TTC4: variants seen among roughly 807,000 people sequenced by gnomAD.
The protein encoded by TTC4 is hsp70/Hsp90 co-chaperone CNS1 homolog.
In TTC4, 36 loss-of-function variants were observed where a neutral mutation model predicts 51.9. The ratio of observed to expected loss-of-function variants is 0.69; its 90% CI spans 0.53 to 0.92. TTC4 has a LOEUF of 0.92. TTC4 is among the 40% of genes least tolerant of loss of function. The probability of loss-of-function intolerance (pLI) is 0.00; values close to 1 mark genes in which losing one functional copy is unlikely to be tolerated. For missense variants in TTC4, 399 were observed against 454.6 expected (o/e 0.88, Z 1.11); for synonymous variants, 144 against 164.2 (o/e 0.88, Z 0.94).
intron 5 of TTC4, among the ~76,000 whole-genome samples, chr1:54,725,967 T>TG (rs1645794265): frequency 6.6e-6 from 1 of 152,118 alleles, no homozygotes. Context: ...AAGAGAGACT[T>TG]GTATGATGCC....
intron 8 of TTC4, among the ~76,000 whole-genome samples, chr1:54,734,118 C>T (rs1271648609): frequency 1.3e-5 from 2 of 152,166 alleles, no homozygotes; most frequent in East Asian, 1.9e-4. Context: ...TTCACCCAGG[C>T]TGGAGTGCAG....
At chr1:54,722,968 A>G (rs1645760703) in intron 5 of TTC4, among the ~76,000 whole-genome samples, 169 bp downstream of exon 5, 1 of 152,230 alleles carries the variant, frequency 6.6e-6, no homozygotes, top group African/African-American at 2.4e-5. Context: ...ATAGTGTGAT[A>G]TAGAGGTAAG....
At chr1:54,733,766 T>A in intron 8 of TTC4, 56 bp downstream of exon 8, 2 of 734,436 alleles carry the variant, frequency 2.7e-6, no homozygotes, top group African/African-American at 2.0e-5. Context: ...TTTTTTTTTT[T>A]TTTTTTTGCG....
In TTC4 at chr1:54,730,807, T is replaced by A. The variant is rs77153065; in HGVS notation, c.682-679T>A. Among the ~76,000 whole-genome samples, 545 of 151,918 alleles carry A rather than the reference T, an allele frequency of 3.6e-3. 2 individuals are homozygous for A. The highest frequency in any genetic ancestry group is 0.013 in the African/African-American group (519 of 41,378). ...TTTGACATTTCTTTTTTTTTTTTTTTATCTTTTCTGTCCTTTTGCACTTGC... is the reference window on the plus strand; with the variant it reads ...TTTGACATTTCTTTTTTTTTTTTTTAATCTTTTCTGTCCTTTTGCACTTGC... On this transcript the variant is annotated intron_variant, in intron 6 of 9. Coordinates refer to ENST00000371281, the MANE Select transcript of TTC4 (RefSeq NM_004623.5).
chr1:54,739,754 A>G (rs1482070521), intron 9 of TTC4, among the ~76,000 whole-genome samples: 1 of 152,244 alleles, frequency 6.6e-6, no homozygotes, highest in African/African-American at 2.4e-5. Context: ...GAGTGGTTGG[A>G]TGTGGTAGGA....
At chr1:54,734,752 T>C (rs762024357) in intron 8 of TTC4, among the ~76,000 whole-genome samples, 6 of 152,182 alleles carry the variant, frequency 3.9e-5, no homozygotes, top group Non-Finnish European at 7.3e-5. Flanking sequence ...AAATAAAAAA[T>C]CACAATATCC....
intron 5 of TTC4, among the ~76,000 whole-genome samples, chr1:54,727,797 A>G (rs1207119469): frequency 1.9e-4 from 29 of 152,322 alleles, no homozygotes; most frequent in Non-Finnish European, 5.9e-5. Flanking sequence ...TATCATCTCA[A>G]TAAGACAGGT....
At chr1:54,725,460 G>A (rs1276094851) in intron 5 of TTC4, among the ~76,000 whole-genome samples, 1 of 152,190 alleles carries the variant, frequency 6.6e-6, no homozygotes, top group African/African-American at 2.4e-5. Context: ...GGCTATACAT[G>A]TGCTCAGGAA....
Position 54,741,589 on chromosome 1 carries a change from A to T in TTC4, c.*76A>T. 8.4e-7 allele frequency: 1 copy of T among 1,191,142 alleles called. No homozygotes were observed. Among genetic ancestry groups the T allele is most frequent in the Non-Finnish European group, 1.3e-6 (1 of 799,680 alleles). 73.8% of individuals were successfully genotyped at this position (1,191,142 alleles called of 1,614,324 possible). A position where few individuals can be genotyped will look rare whatever the true frequency, so the allele number is the denominator to read the frequency against. On this transcript the variant is annotated 3_prime_UTR_variant, in exon 10 of 10. Transcript: ENST00000371281. ...TAGCACACCTGAATCAGCTGGACATACTGCTGGAGTCCAGTGCTTTCTTTC... is the reference window on the plus strand; with the variant it reads ...TAGCACACCTGAATCAGCTGGACATTCTGCTGGAGTCCAGTGCTTTCTTTC...
rs773900619 is a variant in TTC4, at chr1:54,716,586, T to C, written c.112-14T>C. 1.3e-6 allele frequency: 2 copies of C among 1,593,572 alleles called. No individual in the cohort carries two copies. The highest frequency in any genetic ancestry group is 2.2e-5 in the South Asian group (2 of 89,770). On this transcript the variant is annotated splice_polypyrimidine_tract_variant and intron_variant, in intron 1 of 9. Transcript: ENST00000371281. ...AAAAGCTTATTCATGTAGTTCATTC[T>C]TAACCATTTACAGGAATTTGAAAAG...
intron 5 of TTC4, 119 bp downstream of exon 5, chr1:54,722,918 C>A: frequency 7.6e-7 from 1 of 1,317,940 alleles, no homozygotes; most frequent in Non-Finnish European, 1.0e-6. Context: ...CTAGTCCCTA[C>A]TCCTGGAACT....
chr1:54,736,193 A>AGAGAGAGC (rs1645932940), intron 8 of TTC4, among the ~76,000 whole-genome samples: 1 of 116,006 alleles, frequency 8.6e-6, no homozygotes, highest in Non-Finnish European at 1.7e-5. Flanking sequence ...AGAGAGAGAG[A>AGAGAGAGC]GAGAGAGAGA....
At chr1:54,732,459 A>T (rs1027081428) in intron 7 of TTC4, among the ~76,000 whole-genome samples, 2 of 139,858 alleles carry the variant, frequency 1.4e-5, no homozygotes, top group African/African-American at 2.6e-5. Context: ...TTTTTTTGTA[A>T]TTTTTTTTTT....
chr1:54,730,246 G>GAGAT (rs1645848668), intron 6 of TTC4, among the ~76,000 whole-genome samples: 1 of 150,592 alleles, frequency 6.6e-6, no homozygotes, highest in South Asian at 2.1e-4. Flanking sequence ...TGTAGAATAT[G>GAGAT]AGATGCCCAG....
intron 6 of TTC4, among the ~76,000 whole-genome samples, chr1:54,729,985 T>C (rs750728203): frequency 1.3e-5 from 2 of 152,220 alleles, no homozygotes; most frequent in Non-Finnish European, 2.9e-5. Context: ...CCTCCTATAG[T>C]GCTGGGATTA....
intron 8 of TTC4, 26 bp downstream of exon 8, chr1:54,733,736 C>G: frequency 9.2e-7 from 1 of 1,081,694 alleles, no homozygotes; most frequent in South Asian, 1.4e-5. Context: ...TTTCGTTCCT[C>G]TATGGAATTA....
At chr1:54,733,815 A>G (rs1645901960) in intron 8 of TTC4, 105 bp downstream of exon 8, 1 of 711,702 alleles carries the variant, frequency 1.4e-6, no homozygotes, top group Admixed American at 3.3e-5. Flanking sequence ...TGAAAATTAT[A>G]GTAAAATATA....
At chr1:54,727,804 A>G (rs61768793) in intron 5 of TTC4, among the ~76,000 whole-genome samples, 2,053 of 152,306 alleles carry the variant, frequency 0.013, 20 homozygotes, top group Non-Finnish European at 0.02. Context: ...TCAATAAGAC[A>G]GGTAACTCAG....
chr1:54,741,305 T>C (rs1016936628), intron 9 of TTC4, 106 bp from the exon 10 acceptor site: 5 of 945,578 alleles, frequency 5.3e-6, no homozygotes, highest in Admixed American at 5.2e-5. Context: ...TGCATTTTCA[T>C]GTTGACTCCC....
Sources: allele counts gnomAD v4.1 joint callset (sites outside exome capture counted in the v4.1 genomes callset), GRCh38; gene constraint gnomAD v4.1.1; transcripts MANE v1.5; gene names NCBI Gene and HGNC (gene_info 2026-07-23, HGNC 2026-07-21).